Variants in SSBP4 observed in about 807,000 individuals in gnomAD.
The protein encoded by SSBP4 is single-stranded DNA-binding protein 4.
In SSBP4, 33 loss-of-function variants were observed where a neutral mutation model predicts 64.6. That is an observed-to-expected ratio of 0.51 (90% confidence interval 0.39 to 0.68). The LOEUF (loss-of-function observed/expected upper bound fraction) is 0.68, where lower values mean the gene tolerates loss of function less well. Among genes scored for constraint, SSBP4 ranks in the 30% least tolerant of loss-of-function variants. The pLI is 0.00. For missense variants in SSBP4, 583 were observed against 566.8 expected, an observed-to-expected ratio of 1.03 and a Z score of -0.29; for synonymous variants, 243 against 224.0, an observed-to-expected ratio of 1.08 and a Z score of -0.76.
intron 15 of SSBP4, 135 bp from the exon 16 acceptor site, chr19:18,433,450 C>T (rs1470762839): frequency 2.7e-6 from 4 of 1,462,110 alleles, no homozygotes; most frequent in South Asian, 2.4e-5. Context: ...GGCCTCAGTC[C>T]CGGGGTTCCT....
chr19:18,402,846 G>C, the SSBP4 span, among the ~76,000 whole-genome samples: 1 of 152,154 alleles, frequency 6.6e-6, no homozygotes, highest in Non-Finnish European at 1.5e-5. Context: ...ATGGCCTCGT[G>C]GGATGGGAAA....
chr19:18,413,480 C>T, the SSBP4 span, among the ~76,000 whole-genome samples: 255 of 152,220 alleles, frequency 1.7e-3, 2 homozygotes, highest in African/African-American at 5.8e-3. Context: ...TCCCAAAGTG[C>T]TGGGATTACA....
intron 4 of SSBP4, 29 bp from the exon 5 acceptor site, chr19:18,430,812 G>C: frequency 6.3e-7 from 1 of 1,593,812 alleles, no homozygotes; most frequent in Non-Finnish European, 8.6e-7. Context: ...GTCCTGACCT[G>C]GCCCTCTGGG....
chr19:18,432,004 T>C lies in SSBP4; in HGVS notation c.570T>C (p.His190=), dbSNP rs1386395318. 2.6e-6 allele frequency: 4 copies of C among 1,560,190 alleles called. No homozygotes were observed. Among genetic ancestry groups the C allele is most frequent in the Non-Finnish European group, 3.5e-6 (4 of 1,148,056 alleles). ...CTTCCTTCTGCCCCACCCCAGGGCA[T>C]CCGAGCATGGGCGGCCCAATGCAGA... ...AMEPSPRAQG[H]PSMGGPMQRV... is the part of the protein sequence containing the mutation. The change falls in exon 9 of 18, where the codon CAT becomes CAC. Residue 190 remains histidine, a synonymous_variant. Coordinates refer to ENST00000270061, the MANE Select transcript of SSBP4 (RefSeq NM_032627.5).
chr19:18,420,595 C>T (rs1972382035), intron 1 of SSBP4, among the ~76,000 whole-genome samples: 1 of 152,122 alleles, frequency 6.6e-6, no homozygotes. Flanking sequence ...CGCGGTGGCT[C>T]ACGCCTGTAA....
chr19:18,415,777 G>C (rs1972127119), upstream of SSBP4, among the ~76,000 whole-genome samples: 1 of 152,128 alleles, frequency 6.6e-6, no homozygotes, highest in African/African-American at 2.4e-5. Flanking sequence ...CCAGGGTGAG[G>C]GTACAGTCGG....
At chr19:18,410,482 A>G in the SSBP4 span, among the ~76,000 whole-genome samples, 1 of 152,164 alleles carries the variant, frequency 6.6e-6, no homozygotes, top group Non-Finnish European at 1.5e-5. Flanking sequence ...AGAAAAAAAT[A>G]TGGACAAACA....
the SSBP4 span, among the ~76,000 whole-genome samples, chr19:18,406,234 C>T: frequency 1.9e-3 from 286 of 151,636 alleles, no homozygotes; most frequent in African/African-American, 6.6e-3. Context: ...CTCACTGCAA[C>T]CTTCCCTTCT....
At chr19:18,433,308 G>A in intron 15 of SSBP4, 95 bp downstream of exon 15, 1 of 1,440,464 alleles carries the variant, frequency 6.9e-7, no homozygotes, top group Non-Finnish European at 9.3e-7. Context: ...GCCGGGTGGA[G>A]GCGTCTAGTG....
chr19:18,412,317 C>T, the SSBP4 span, among the ~76,000 whole-genome samples: 6 of 151,194 alleles, frequency 4.0e-5, no homozygotes, highest in African/African-American at 9.7e-5. Flanking sequence ...AAAAATTAGC[C>T]GGGCGTGGTG....
At chr19:18,414,813 G>A (rs1382761898), upstream of SSBP4, among the ~76,000 whole-genome samples, 1 of 152,194 alleles carries the variant, frequency 6.6e-6, no homozygotes, top group African/African-American at 2.4e-5. Context: ...GCATGACCCA[G>A]TGGCTTGGAG....
upstream of SSBP4, among the ~76,000 whole-genome samples, chr19:18,418,040 G>A (rs1972195861): frequency 6.6e-6 from 1 of 152,046 alleles, no homozygotes; most frequent in African/African-American, 2.4e-5. This position sits in a 1 kb window ranked among gnomAD's most constrained non-coding sequence, Gnocchi z 6.7. Flanking sequence ...GCCCACCCAC[G>A]CGCGGAGACA....
At chr19:18,422,830 C>T (rs947233832) in intron 1 of SSBP4, among the ~76,000 whole-genome samples, 6 of 152,228 alleles carry the variant, frequency 3.9e-5, no homozygotes, top group Non-Finnish European at 8.8e-5. Flanking sequence ...TGCTCCAAAC[C>T]TTGACTCTCC....
intron 10 of SSBP4, 47 bp downstream of exon 10, chr19:18,432,261 C>T: frequency 1.3e-6 from 2 of 1,598,324 alleles, no homozygotes; most frequent in African/African-American, 1.3e-5. Context: ...CAGGCCACCA[C>T]CAGCTTCATG....
At chr19:18,415,019 G>A (rs1185918289), upstream of SSBP4, among the ~76,000 whole-genome samples, 3 of 152,140 alleles carry the variant, frequency 2.0e-5, no homozygotes, top group Non-Finnish European at 4.4e-5. Flanking sequence ...CTCTGCCCAT[G>A]CTGGCCACCC....
Position 18,423,041 on chromosome 19 carries a change from G to A in SSBP4, c.59+3334G>A, listed in dbSNP as rs1005320196. Among the ~76,000 whole-genome samples, 3 of 152,242 alleles carry A rather than the reference G, an allele frequency of 2.0e-5. No individual in the cohort carries two copies. The highest frequency in any genetic ancestry group is 7.2e-5 in the African/African-American group (3 of 41,464). ...ACCTGGTGGGTGCCTGCCCTCGGGG[G>A]CTCGCAGCAGATGGCAGTGACTGTG... On this transcript the variant is annotated intron_variant, in intron 1 of 17. Transcript: ENST00000270061. The surrounding 1 kb of genome is among the most constrained non-coding windows in gnomAD (Gnocchi z 4.0).
chr19:18,426,325 C>A lies in SSBP4; in HGVS notation c.60-1026C>A, dbSNP rs1479197728. On this transcript the variant is annotated intron_variant, in intron 1 of 17. Coordinates refer to ENST00000270061, the MANE Select transcript of SSBP4 (RefSeq NM_032627.5). The surrounding 1 kb of genome is among the most constrained non-coding windows in gnomAD (Gnocchi z 4.5). ...GGCCCCCAGGCCTGCCTGCTTCTCG[C>A]CTCTAGGGCTCAGCCTCAGGCTGGC... Among the ~76,000 whole-genome samples, 1 of 152,194 alleles carries A rather than the reference C, an allele frequency of 6.6e-6. No individual in the cohort carries two copies. The highest frequency in any genetic ancestry group is 1.5e-5 in the Non-Finnish European group (1 of 68,020).
chr19:18,429,093 C>G (rs1291511384), intron 4 of SSBP4, among the ~76,000 whole-genome samples: 4 of 149,780 alleles, frequency 2.7e-5, no homozygotes, highest in African/African-American at 1.0e-4. Context: ...AGGGCGGAGG[C>G]CGCCCAAGCC....
chr19:18,433,584 G>C lies in SSBP4; in HGVS notation c.992-1G>C. 1 of 1,540,486 alleles carries C rather than the reference G, an allele frequency of 6.5e-7. No individual in the cohort carries two copies. Among genetic ancestry groups the C allele is most frequent in the Non-Finnish European group, 8.7e-7 (1 of 1,144,182 alleles). The stretch of plus-strand genomic sequence containing the variant: ...GTGCCCGTGTCTGTCCGTGTCTGTA[G>C]GCTCGGGCGACATGGACGGGTTGCC... On this transcript the variant is annotated splice_acceptor_variant, in intron 15 of 17. Coordinates refer to ENST00000270061, the MANE Select transcript of SSBP4 (RefSeq NM_032627.5). LOFTEE classifies it high-confidence loss of function.
Sources: gnomAD v4.1 joint callset for allele counts (sites outside exome capture counted in the v4.1 genomes callset) on GRCh38, gnomAD v4.1.1 for gene constraint, Gnocchi (gnomAD v3.1) non-coding constraint, MANE v1.5 for transcripts, NCBI Gene and HGNC (gene_info 2026-07-23, HGNC 2026-07-21) for gene names.